Variants in SLC7A1 observed in about 807,000 individuals in gnomAD.
SLC7A1 encodes high affinity cationic amino acid transporter 1.
Under a neutral mutation model 53.9 loss-of-function variants are expected in SLC7A1, and 10 were observed. The ratio of observed to expected loss-of-function variants is 0.19; its 90% CI spans 0.11 to 0.31. The LOEUF (loss-of-function observed/expected upper bound fraction) is 0.31. Among genes scored for constraint, SLC7A1 ranks in the 10% least tolerant of loss-of-function variants. The pLI is 1.00. For synonymous variants in SLC7A1, 342 were observed against 338.7 expected, an observed-to-expected ratio of 1.01 and a Z score of -0.11; for missense variants, 525 against 827.2, an observed-to-expected ratio of 0.63 and a Z score of 4.48.
intron 1 of SLC7A1, among the ~76,000 whole-genome samples, chr13:29,587,201 T>C (rs935705048): frequency 6.6e-6 from 1 of 152,116 alleles, no homozygotes; most frequent in Non-Finnish European, 1.5e-5. Context: ...CTGAGGACAA[T>C]GACGTAGTAG....
chr13:29,556,820 G>A (rs887213237), intron 1 of SLC7A1, among the ~76,000 whole-genome samples: 2 of 152,224 alleles, frequency 1.3e-5, no homozygotes, highest in African/African-American at 4.8e-5. Flanking sequence ...AGGTTGCCCA[G>A]TGAAATGAAC....
intron 4 of SLC7A1, among the ~76,000 whole-genome samples, chr13:29,531,315 C>CA (rs201656005): frequency 0.011 from 1,603 of 146,138 alleles, 29 homozygotes; most frequent in African/African-American, 0.04. Context: ...TGCAAACTCA[C>CA]GTTTTTTTTT....
chr13:29,565,230 G>A (rs1222456048), intron 1 of SLC7A1, among the ~76,000 whole-genome samples: 3 of 152,222 alleles, frequency 2.0e-5, no homozygotes, highest in African/African-American at 7.2e-5. Context: ...GACCTTTCCA[G>A]TGAGGAGGTG....
At chr13:29,529,389 T>C (rs61947169) in intron 5 of SLC7A1, among the ~76,000 whole-genome samples, 1 of 152,188 alleles carries the variant, frequency 6.6e-6, no homozygotes, top group African/African-American at 2.4e-5. Context: ...CAATGTGAGA[T>C]AGTGCTTCTC....
chr13:29,543,802 G>T (rs1201837030), intron 2 of SLC7A1, among the ~76,000 whole-genome samples: 1 of 151,826 alleles, frequency 6.6e-6, no homozygotes. Flanking sequence ...GGGAGGGGGT[G>T]GAGAGGAGGC....
At chr13:29,582,913 G>A (rs1270594020) in intron 1 of SLC7A1, among the ~76,000 whole-genome samples, 3 of 152,030 alleles carry the variant, frequency 2.0e-5, no homozygotes, top group Non-Finnish European at 4.4e-5. Flanking sequence ...CTACCTACAC[G>A]CTCTTTAGAT....
Position 29,593,661 on chromosome 13 carries a change from A to T in SLC7A1, c.-115+1755T>A, listed in dbSNP as rs79152688. ...TGGTTAAAATAAACTACAGACCAGA[A>T]TAATCAATCAACACGTATTTAATTC... On this transcript the variant is annotated intron_variant, in intron 1 of 12. Coordinates refer to ENST00000380752, the MANE Select transcript of SLC7A1 (RefSeq NM_003045.5). Among the ~76,000 whole-genome samples the T allele has an allele frequency of 1.5e-3, 225 of 152,372 alleles. 3 individuals are homozygous for T. In the East Asian group the frequency reaches 0.039, roughly 27 times the overall value.
At chr13:29,547,675 C>A (rs1869981988) in intron 2 of SLC7A1, among the ~76,000 whole-genome samples, 1 of 152,142 alleles carries the variant, frequency 6.6e-6, no homozygotes, top group Admixed American at 6.5e-5. Context: ...GAAAGAAAAT[C>A]TCTTGTAATG....
chr13:29,580,835 A>C (rs1871615688), intron 1 of SLC7A1, among the ~76,000 whole-genome samples: 2 of 152,204 alleles, frequency 1.3e-5, no homozygotes, highest in African/African-American at 4.8e-5. Context: ...CCAAAGAAGC[A>C]ATGCCATGAT....
intron 1 of SLC7A1, among the ~76,000 whole-genome samples, chr13:29,571,672 G>A (rs753141128): frequency 6.6e-6 from 1 of 152,190 alleles, no homozygotes; most frequent in Non-Finnish European, 1.5e-5. Flanking sequence ...CCAGAGGGGC[G>A]GCTTCTCCAA....
At chr13:29,566,228 A>G (rs1870961803) in intron 1 of SLC7A1, among the ~76,000 whole-genome samples, 1 of 152,230 alleles carries the variant, frequency 6.6e-6, no homozygotes, top group Non-Finnish European at 1.5e-5. Context: ...AACTAAGAAG[A>G]TTCCTCAAAA....
chr13:29,549,295 C>G (rs1287415219), intron 2 of SLC7A1, among the ~76,000 whole-genome samples: 1 of 152,182 alleles, frequency 6.6e-6, no homozygotes, highest in Non-Finnish European at 1.5e-5. Flanking sequence ...AGGAAGCCAG[C>G]GAAGAACAAG....
At position 29,536,091 on chromosome 13, in the gene SLC7A1, T is replaced by A. The variant is rs756924279; in HGVS notation, c.98A>T (p.Asn33Ile). Residue 33 changes from asparagine to isoleucine, a missense_variant, in exon 3 of 13, where the codon AAC (asparagine) becomes ATC (isoleucine). By Grantham distance (149) the Asn-to-Ile change is moderately radical (BLOSUM62 -3). This residue lies in a region of SLC7A1 where 354 missense variants were observed against 587.5 expected (regional missense o/e 0.60). Coordinates refer to ENST00000380752, the MANE Select transcript of SLC7A1 (RefSeq NM_003045.5). Reference sequence around the variant, plus strand: ...CCCGAGGGCCACCAGATCAAAAGTGTTCAGGCAGCGAGACAGCCGCGTCTC... The same window carrying A: ...CCCGAGGGCCACCAGATCAAAAGTGATCAGGCAGCGAGACAGCCGCGTCTC... ...REETRLSRCL[N>I]TFDLVALGVG... 1 of 1,613,854 alleles carries A rather than the reference T, an allele frequency of 6.2e-7. No homozygotes were observed. The highest frequency in any genetic ancestry group is 8.5e-7 in the Non-Finnish European group (1 of 1,180,028).
At chr13:29,521,250 GCA>G (rs1433986787) in intron 8 of SLC7A1, among the ~76,000 whole-genome samples, 2 of 152,176 alleles carry the variant, frequency 1.3e-5, no homozygotes, top group African/African-American at 4.8e-5. Context: ...ACAAAACTAA[GCA>G]CAGTTTGCTA....
intron 1 of SLC7A1, among the ~76,000 whole-genome samples, chr13:29,581,473 C>CA (rs1424219866): frequency 6.6e-6 from 1 of 152,214 alleles, no homozygotes; most frequent in Non-Finnish European, 1.5e-5. Flanking sequence ...TTTGGGGTGA[C>CA]AGAGATGTGT....
intron 1 of SLC7A1, among the ~76,000 whole-genome samples, chr13:29,587,089 T>C (rs1871914840): frequency 6.6e-6 from 1 of 152,160 alleles, no homozygotes; most frequent in South Asian, 2.1e-4. Context: ...AACAAACACA[T>C]GGAAAAATAC....
chr13:29,585,898 C>A (rs1871859460), intron 1 of SLC7A1, among the ~76,000 whole-genome samples: 1 of 152,098 alleles, frequency 6.6e-6, no homozygotes, highest in Non-Finnish European at 1.5e-5. Context: ...CATTAGAAAC[C>A]AGGACGACAT....
In SLC7A1 at chr13:29,536,148, A is replaced by G; in HGVS notation, c.41T>C (p.Leu14Pro). ...GCTACAGTCCACCACCTTCCGCCGC[A>G]GCATCTGCTGCCCAATGTTGAGCAG... The part of the protein sequence containing the change: ...KVLLNIGQQM[L>P]RRKVVDCSRE... Residue 14 changes from leucine (L) to proline (P), a missense_variant, in exon 3 of 13, where the codon CTG (leucine) becomes CCG (proline). Leu to Pro is a moderately conservative substitution (Grantham distance 98). Transcript: ENST00000380752. The G allele has an allele frequency of 6.2e-7, 1 of 1,613,980 alleles. No individual in the cohort carries two copies. Among genetic ancestry groups the G allele is most frequent in the Non-Finnish European group, 8.5e-7 (1 of 1,180,014 alleles).
At chr13:29,591,086 G>A (rs1007917918) in intron 1 of SLC7A1, among the ~76,000 whole-genome samples, 1 of 152,012 alleles carries the variant, frequency 6.6e-6, no homozygotes, top group African/African-American at 2.4e-5. Context: ...CTCCAGCCTG[G>A]GTGACAGAGT....
Sources: gnomAD v4.1 joint callset for allele counts (sites outside exome capture counted in the v4.1 genomes callset) on GRCh38, gnomAD v4.1.1 for gene constraint, gnomAD v4.1.1 regional missense constraint, MANE v1.5 for transcripts, NCBI Gene and HGNC (gene_info 2026-07-23, HGNC 2026-07-21) for gene names.